Variants in ESRRB observed in about 807,000 individuals in gnomAD.
ESRRB encodes estrogen related receptor beta.
A neutral mutation model predicts 46.0 loss-of-function variants in ESRRB; 16 were observed. That is an observed-to-expected ratio of 0.35 (90% CI 0.24 to 0.53). The LOEUF is 0.53. Ranked by LOEUF, ESRRB falls within the 20% of genes least tolerant of loss-of-function variation. The pLI, the probability that ESRRB is intolerant of heterozygous loss-of-function variation, is 0.93. For synonymous variants in ESRRB, 246 were observed against 259.6 expected (o/e 0.95, Z 0.50); for missense variants, 488 against 607.4 (o/e 0.80, Z 2.07).
chr14:76,352,473 G>A (rs1566858327), intron 1 of ESRRB, among the ~76,000 whole-genome samples: 1 of 152,182 alleles, frequency 6.6e-6, no homozygotes, highest in Non-Finnish European at 1.5e-5. Context: ...TAGTGAGAAA[G>A]TGATCAAGCC....
rs985743977 is a variant in ESRRB at position 76,499,714 on chromosome 14, C to T, written c.*1256C>T. 12 of 743,146 alleles carry T rather than the reference C, an allele frequency of 1.6e-5. No homozygotes were observed. The highest frequency in any genetic ancestry group is 6.9e-5 in the African/African-American group (4 of 58,224). 46.0% of individuals were successfully genotyped at this position (743,146 alleles called of 1,614,324 possible). ...CCCCTGGCTGTGCCAGGTAACCAAC[C>T]GTCTTGGTTTGTCCAGGACGTTTCT... On this transcript the variant is annotated 3_prime_UTR_variant, in exon 7 of 7. Coordinates refer to ENST00000644823, the MANE Select transcript of ESRRB (RefSeq NM_001379180.1).
intron 2 of ESRRB, among the ~76,000 whole-genome samples, chr14:76,452,626 AAAAAAC>A (rs200077355): frequency 5.6e-5 from 7 of 124,278 alleles, no homozygotes; most frequent in African/African-American, 1.3e-4. Flanking sequence ...TCTCCAAAAA[AAAAAAC>A]AAAACAAAAA....
chr14:76,466,619 AG>A (rs749231739), intron 3 of ESRRB, among the ~76,000 whole-genome samples: 6 of 152,178 alleles, frequency 3.9e-5, no homozygotes, highest in Non-Finnish European at 7.4e-5. Context: ...TTCAGAGAAA[AG>A]GTAATTTTTC....
chr14:76,387,006 G>A (rs1241062072), intron 1 of ESRRB, among the ~76,000 whole-genome samples: 1 of 152,114 alleles, frequency 6.6e-6, no homozygotes, highest in Admixed American at 6.5e-5. Context: ...GAAACTGGAA[G>A]TTACCCTTGC....
intron 1 of ESRRB, among the ~76,000 whole-genome samples, chr14:76,423,416 T>C (rs1044719877): frequency 6.6e-6 from 1 of 152,170 alleles, no homozygotes; most frequent in Non-Finnish European, 1.5e-5. Context: ...ATTGCTGAGA[T>C]TACAGGCGTG....
In ESRRB at chr14:76,330,903, G is replaced by A. The variant is rs367868212; in HGVS notation, c.2+19987G>A. ...AAGCTGAGTGGCAGGCTGGAGACTC[G>A]GTCTTCATCTCTTGTACCCCCAAAT... On this transcript the variant is annotated intron_variant, in intron 1 of 6. Transcript: ENST00000512784. Among the ~76,000 whole-genome samples the A allele has an allele frequency of 1.5e-3, 227 of 152,158 alleles. 2 individuals are homozygous for A. The highest frequency in any genetic ancestry group is 5.0e-3 in the African/African-American group (207 of 41,488).
intron 1 of ESRRB, among the ~76,000 whole-genome samples, chr14:76,396,950 G>A (rs1885712551): frequency 1.3e-5 from 2 of 152,204 alleles, no homozygotes; most frequent in Non-Finnish European, 2.9e-5. Context: ...TTGCTCACCT[G>A]CCCAGGAAGC....
At chr14:76,363,748 G>T (rs1186970021) in intron 1 of ESRRB, among the ~76,000 whole-genome samples, 1 of 152,174 alleles carries the variant, frequency 6.6e-6, no homozygotes, top group Non-Finnish European at 1.5e-5. Flanking sequence ...GTTATCTACA[G>T]TGCTTAGGTT....
At chr14:76,397,220 C>A (rs1206968796) in intron 1 of ESRRB, among the ~76,000 whole-genome samples, 1 of 152,206 alleles carries the variant, frequency 6.6e-6, no homozygotes, top group Non-Finnish European at 1.5e-5. Flanking sequence ...TAGACTTGCA[C>A]CTCCAGAGGC....
intron 2 of ESRRB, among the ~76,000 whole-genome samples, chr14:76,446,377 T>TTTTTG (rs1566903310): frequency 6.6e-6 from 1 of 151,646 alleles, no homozygotes. Context: ...TCGTTTTTTT[T>TTTTTG]TTTTGTTTTG....
intron 1 of ESRRB, among the ~76,000 whole-genome samples, chr14:76,398,689 G>A (rs8007691): frequency 0.66 from 101,011 of 151,918 alleles, 34,598 homozygotes; most frequent in Middle Eastern, 0.78. Flanking sequence ...CATTGCATTC[G>A]GGGTCAACCA....
intron 1 of ESRRB, among the ~76,000 whole-genome samples, chr14:76,380,714 G>A (rs920757482): frequency 1.1e-4 from 17 of 152,206 alleles, no homozygotes; most frequent in Admixed American, 1.1e-3. Context: ...CTGTCGTAGA[G>A]TCTGGTGGCT....
intron 1 of ESRRB, among the ~76,000 whole-genome samples, chr14:76,380,060 G>T (rs1008796974): frequency 6.6e-6 from 1 of 152,136 alleles, no homozygotes; most frequent in Non-Finnish European, 1.5e-5. Flanking sequence ...GAGCACCCCT[G>T]GCCCTAGCTC....
intron 3 of ESRRB, among the ~76,000 whole-genome samples, chr14:76,476,182 C>T (rs761635331): frequency 1.3e-5 from 2 of 151,756 alleles, no homozygotes; most frequent in Admixed American, 6.6e-5. Context: ...TCATGTATTC[C>T]AGGGATTATC....
intron 6 of ESRRB, among the ~76,000 whole-genome samples, chr14:76,492,354 A>G (rs1890264870): frequency 6.6e-6 from 1 of 151,934 alleles, no homozygotes; most frequent in African/African-American, 2.4e-5. Context: ...TTTTATGGAG[A>G]TAGGGTCTCA....
chr14:76,334,656 G>A (rs1346075599), intron 1 of ESRRB, among the ~76,000 whole-genome samples: 1 of 152,212 alleles, frequency 6.6e-6, no homozygotes, highest in African/African-American at 2.4e-5. Context: ...GGGGAGGGGT[G>A]GCTGGCCCCG....
chr14:76,408,316 C>T (rs1036757792), intron 1 of ESRRB, among the ~76,000 whole-genome samples: 6 of 152,286 alleles, frequency 3.9e-5, no homozygotes, highest in Admixed American at 2.6e-4. Flanking sequence ...CAGTGGCTCA[C>T]GCCTGTAATC....
chr14:76,463,865 T>A (rs1450574756), intron 3 of ESRRB, among the ~76,000 whole-genome samples: 1 of 152,162 alleles, frequency 6.6e-6, no homozygotes, highest in African/African-American at 2.4e-5. Flanking sequence ...GCTCCTTTTT[T>A]TATATTAAAA....
Position 76,319,072 on chromosome 14 carries a change from T to C in ESRRB, c.2+8156T>C, listed in dbSNP as rs1325986633. ...ACCTGGCCAAGCCTTTTTCCTCTCATGGAAATCTGCTCTCCATAACCTAAA... is the reference window on the plus strand; with the variant it reads ...ACCTGGCCAAGCCTTTTTCCTCTCACGGAAATCTGCTCTCCATAACCTAAA... On this transcript the variant is annotated intron_variant, in intron 1 of 6. Coordinates refer to the ESRRB transcript ENST00000512784. 2.6e-5 allele frequency among the ~76,000 whole-genome samples: 4 copies of C among 152,284 alleles called. No individual in the cohort carries two copies. The East Asian group carries it at 7.7e-4, about 29-fold the overall frequency.
Sources: allele counts gnomAD v4.1 joint callset (sites outside exome capture counted in the v4.1 genomes callset), GRCh38; gene constraint gnomAD v4.1.1; transcripts MANE v1.5; gene names NCBI Gene and HGNC (gene_info 2026-07-23, HGNC 2026-07-21).